DYM: variants seen among roughly 807,000 people sequenced by gnomAD.
DYM encodes dyggve-Melchior-Clausen syndrome protein.
A neutral mutation model predicts 93.1 loss-of-function variants in DYM; 78 were observed. The observed-to-expected ratio is 0.84, with a 90% CI of 0.70 to 1.01. The LOEUF (loss-of-function observed/expected upper bound fraction) is 1.01. Among genes scored for constraint, DYM ranks in the 50% least tolerant of loss-of-function variants. DYM has a pLI of 0.00. For missense variants in DYM, 789 were observed against 845.0 expected (o/e 0.93, Z 0.82); for synonymous variants, 321 against 319.7 (o/e 1.00, Z -0.04).
intron 16 of DYM, among the ~76,000 whole-genome samples, chr18:49,103,275 TA>T (rs1352727921): frequency 6.6e-6 from 1 of 152,224 alleles, no homozygotes; most frequent in African/African-American, 2.4e-5. Context: ...TTTTTTCTTG[TA>T]AATTTGTTTG....
At chr18:49,318,840 G>A (rs1285180201) in intron 8 of DYM, among the ~76,000 whole-genome samples, 7 of 120,090 alleles carry the variant, frequency 5.8e-5, no homozygotes, top group South Asian at 2.7e-4. Flanking sequence ...TCACTCTGTC[G>A]CCCAGGCTGG....
chr18:49,204,431 A>C (rs1480624795), intron 14 of DYM, among the ~76,000 whole-genome samples: 1 of 152,266 alleles, frequency 6.6e-6, no homozygotes, highest in Non-Finnish European at 1.5e-5. Flanking sequence ...CTCAGGCCTA[A>C]TTAAAACAAT....
intron 15 of DYM, among the ~76,000 whole-genome samples, chr18:49,125,254 G>A (rs1167903351): frequency 6.6e-6 from 1 of 152,166 alleles, no homozygotes; most frequent in African/African-American, 2.4e-5. Flanking sequence ...GTGAGACTCT[G>A]TCTCAAAGGT....
intron 5 of DYM, among the ~76,000 whole-genome samples, chr18:49,372,912 T>C (rs1462596622): frequency 6.6e-6 from 1 of 151,980 alleles, no homozygotes; most frequent in Non-Finnish European, 1.5e-5. Flanking sequence ...GAGATAACCA[T>C]CTTGATAAAG....
intron 13 of DYM, among the ~76,000 whole-genome samples, chr18:49,247,240 T>C (rs2094191666): frequency 6.6e-6 from 1 of 152,192 alleles, no homozygotes; most frequent in Non-Finnish European, 1.5e-5. Context: ...GCCCTTGTCA[T>C]GTTGCCCTGT....
intron 15 of DYM, among the ~76,000 whole-genome samples, chr18:49,131,304 C>T (rs915015266): frequency 6.6e-6 from 1 of 152,126 alleles, no homozygotes; most frequent in Non-Finnish European, 1.5e-5. Context: ...AGCAAGCAAG[C>T]GAGCAAGTGA....
At chr18:49,273,716 A>G (rs2094772815) in intron 10 of DYM, among the ~76,000 whole-genome samples, 1 of 152,120 alleles carries the variant, frequency 6.6e-6, no homozygotes, top group African/African-American at 2.4e-5. Context: ...GGTTTGTGTA[A>G]GTACATGCTA....
intron 8 of DYM, among the ~76,000 whole-genome samples, chr18:49,308,924 G>A (rs531420279): frequency 6.4e-4 from 98 of 152,242 alleles, no homozygotes; most frequent in African/African-American, 1.9e-3. Flanking sequence ...CCAACCATAG[G>A]CTGAAGGCTA....
At position 49,292,626 on chromosome 18, in the gene DYM, C is replaced by CA. The variant is rs2060235783; in HGVS notation, c.764-6011_764-6010insT. Among the ~76,000 whole-genome samples, 187 of 31,950 alleles carry CA rather than the reference C, an allele frequency of 5.9e-3. 10 individuals are homozygous for CA. The highest frequency in any genetic ancestry group is 0.019 in the African/African-American group (175 of 9,372). 21.0% of individuals were successfully genotyped at this position (31,950 alleles called of 152,430 possible). ...AAAAAAAAAAAAAAAAAAAAAAAAA[C>CA]CCCCACAAAAACCTGTCCACCAGAA... On this transcript the variant is annotated intron_variant, in intron 8 of 17. Transcript: ENST00000675505.
chr18:49,109,377 A>G (rs997304116), intron 16 of DYM, among the ~76,000 whole-genome samples: 3 of 151,970 alleles, frequency 2.0e-5, no homozygotes, highest in South Asian at 2.1e-4. Flanking sequence ...CTTACTACTT[A>G]TATTTCTATT....
intron 6 of DYM, among the ~76,000 whole-genome samples, chr18:49,340,045 G>T (rs1158888594): frequency 6.6e-6 from 1 of 152,108 alleles, no homozygotes; most frequent in Non-Finnish European, 1.5e-5. Context: ...CCGCCTCCTG[G>T]ATTCACGCCG....
chr18:49,229,106 ATTAT>A (rs1436890019), intron 13 of DYM, among the ~76,000 whole-genome samples: 4 of 150,598 alleles, frequency 2.7e-5, no homozygotes, highest in Non-Finnish European at 4.4e-5. Context: ...TATATTATTT[ATTAT>A]TTGACAAATA....
At chr18:49,163,939 A>G (rs1454475886) in intron 14 of DYM, 152 bp from the exon 15 acceptor site, 7 of 621,144 alleles carry the variant, frequency 1.1e-5, no homozygotes, top group African/African-American at 5.6e-5. Flanking sequence ...CAAGATTAAT[A>G]ATAGTATTTA....
chr18:49,087,646 G>C (rs1027971506), intron 17 of DYM, among the ~76,000 whole-genome samples: 2 of 152,324 alleles, frequency 1.3e-5, no homozygotes, highest in African/African-American at 4.8e-5. Context: ...TAATGGGATT[G>C]CTGGGTCAAA....
intron 2 of DYM, among the ~76,000 whole-genome samples, chr18:49,425,214 G>C (rs559623597): frequency 3.9e-5 from 6 of 152,234 alleles, no homozygotes; most frequent in Non-Finnish European, 8.8e-5. Context: ...CAATGGAACA[G>C]AACAGAGCCC....
At position 49,272,214 on chromosome 18, in the gene DYM, C is replaced by G. The variant is rs1014918528; in HGVS notation, c.1215G>C (p.Thr405=). Residue 405 remains threonine, a synonymous_variant, in exon 11 of 18, where the codon ACG becomes ACC. Transcript: ENST00000675505. ...YMALIILLIL[T]EDDGFNRSIH... is the part of the protein sequence containing the mutation. ...TGGATCTGTTGAAGCCATCATCTTC[C>G]GTAAGGATCAACAATATTATAAGGG... 6.2e-7 allele frequency: 1 copy of G among 1,611,514 alleles called. No individual in the cohort carries two copies. The highest frequency in any genetic ancestry group is 8.5e-7 in the Non-Finnish European group (1 of 1,178,104).
rs554513981 is a variant in DYM at position 49,355,313 on chromosome 18, A to C, written c.494+7848T>G. On this transcript the variant is annotated intron_variant, in intron 6 of 17. Transcript: ENST00000675505. ...CATTGATATCTATCATAGATATCATAGATAGACATCAATGTATAGACAGAT... is the reference window on the plus strand; with the variant it reads ...CATTGATATCTATCATAGATATCATCGATAGACATCAATGTATAGACAGAT... Among the ~76,000 whole-genome samples, 72 of 152,120 alleles carry C rather than the reference A, an allele frequency of 4.7e-4. 1 individual carries two copies. The highest frequency in any genetic ancestry group is 3.5e-3 in the Middle Eastern group (1 of 286).
intron 8 of DYM, among the ~76,000 whole-genome samples, chr18:49,286,864 A>C (rs2059698627): frequency 6.6e-6 from 1 of 152,184 alleles, no homozygotes; most frequent in African/African-American, 2.4e-5. Flanking sequence ...TTTTGTAAAA[A>C]AGTGAATGAA....
intron 7 of DYM, among the ~76,000 whole-genome samples, chr18:49,332,218 CATCAT>C (rs1235097610): frequency 2.6e-5 from 4 of 152,180 alleles, no homozygotes; most frequent in African/African-American, 7.2e-5. Context: ...CCTCTTATCA[CATCAT>C]AAGATATTGA....
Sources: gnomAD v4.1 joint callset for allele counts (sites outside exome capture counted in the v4.1 genomes callset) on GRCh38, gnomAD v4.1.1 for gene constraint, MANE v1.5 for transcripts, NCBI Gene and HGNC (gene_info 2026-07-23, HGNC 2026-07-21) for gene names.